Variants in LYST observed in about 807,000 individuals in gnomAD.
The protein encoded by LYST is lysosomal trafficking regulator.
A neutral mutation model predicts 413.6 loss-of-function variants in LYST; 192 were observed. The ratio of observed to expected loss-of-function variants is 0.46; its 90% CI spans 0.41 to 0.52. LYST has a LOEUF of 0.52. Ranked by LOEUF, LYST falls within the 20% of genes least tolerant of loss-of-function variation. The pLI is 0.00. For synonymous variants in LYST, 1,525 were observed against 1,567.3 expected (o/e 0.97, Z 0.64); for missense variants, 3,815 against 4,499.9 (o/e 0.85, Z 4.35).
At chr1:235,728,048 G>A (rs370995142) in intron 38 of LYST, 28 bp downstream of exon 38, 2 of 1,542,532 alleles carry the variant, frequency 1.3e-6, no homozygotes, top group Non-Finnish European at 1.8e-6. Flanking sequence ...CTAGATTTAT[G>A]TAAATACAGA....
At chr1:235,758,910 T>TA (rs1300344988) in intron 23 of LYST, 62 bp downstream of exon 23, 4 of 1,502,668 alleles carry the variant, frequency 2.7e-6, no homozygotes, top group Non-Finnish European at 3.7e-6. Flanking sequence ...TCCAGAGGGG[T>TA]AGAGAGTCTT....
At chr1:235,826,433 C>A (rs1477982802) in intron 3 of LYST, among the ~76,000 whole-genome samples, 2 of 152,138 alleles carry the variant, frequency 1.3e-5, no homozygotes, top group Non-Finnish European at 2.9e-5. Flanking sequence ...CAATGAAATA[C>A]TAATCAGAAA....
chr1:235,681,023 G>A (rs766769810), intron 48 of LYST, among the ~76,000 whole-genome samples: 20 of 152,196 alleles, frequency 1.3e-4, no homozygotes, highest in Non-Finnish European at 2.5e-4. Flanking sequence ...AGGAGCTGGG[G>A]ATACAGAGTT....
At chr1:235,718,156 G>T (rs1246923607) in intron 40 of LYST, among the ~76,000 whole-genome samples, 1 of 151,218 alleles carries the variant, frequency 6.6e-6, no homozygotes, top group East Asian at 1.9e-4. Context: ...GAGCCACCAC[G>T]CCTGGCCTGC....
chr1:235,716,873 A>C, intron 40 of LYST, 95 bp from the exon 41 acceptor site: 1 of 721,232 alleles, frequency 1.4e-6, no homozygotes, highest in Non-Finnish European at 2.5e-6. Context: ...GTAAGTGGTC[A>C]ACAAAATGCT....
chr1:235,688,267 G>A (rs1660367783), intron 47 of LYST, among the ~76,000 whole-genome samples: 1 of 152,054 alleles, frequency 6.6e-6, no homozygotes, highest in East Asian at 1.9e-4. Context: ...GAAACATTTA[G>A]CGATTTCATC....
chr1:235,704,553 T>G (rs1661812491), intron 44 of LYST, among the ~76,000 whole-genome samples: 1 of 152,236 alleles, frequency 6.6e-6, no homozygotes, highest in Admixed American at 6.5e-5. Flanking sequence ...ACGTATGTCT[T>G]GTTTTGAAAT....
chr1:235,808,914 G>C lies in LYST; in HGVS notation c.1904C>G (p.Ala635Gly). 6.2e-7 allele frequency: 1 copy of C among 1,612,348 alleles called. No homozygotes were observed. The highest frequency in any genetic ancestry group is 1.1e-5 in the South Asian group (1 of 90,948). The change falls in exon 5 of 53, where the codon GCA becomes GGA. Residue 635 changes from alanine (A) to glycine (G), a missense_variant. Ala to Gly is a moderately conservative substitution (Grantham distance 60). Around this residue, in one of 4 missense-constraint regions of LYST, gnomAD observed 1,648 missense variants for 1,810.3 expected, o/e 0.91. Transcript: ENST00000389793. ...GTCAACAGTACAAATATTACAAGCT[G>C]CTTTTTTAATTTTTGGTGATATCTC... ...GAEISPKIKK[A>G]ACNICTVDSD...
chr1:235,834,253 C>T (rs1676295957), intron 1 of LYST, among the ~76,000 whole-genome samples: 1 of 152,090 alleles, frequency 6.6e-6, no homozygotes, highest in Admixed American at 6.5e-5. Flanking sequence ...GGGATAGCAA[C>T]AGGATATTTC....
At position 235,744,074 on chromosome 1, in the gene LYST, A is replaced by C. The variant is rs747374741; in HGVS notation, c.8056T>G (p.Ser2686Ala). 3.2e-5 allele frequency: 51 copies of C among 1,598,854 alleles called. No homozygotes were observed. Among genetic ancestry groups the C allele is most frequent in the Non-Finnish European group, 4.4e-5 (51 of 1,166,380 alleles). The change falls in exon 30 of 53, where the codon TCT becomes GCT. Residue 2686 changes from serine to alanine, a missense_variant. Ser to Ala is a moderately conservative substitution (Grantham distance 99). This residue lies in a region of LYST where 771 missense variants were observed against 837.1 expected (regional missense o/e 0.92). Coordinates refer to ENST00000389793, the MANE Select transcript of LYST (RefSeq NM_000081.4). ...TGTTCATGATGAATATTTTCCTCAG[A>C]AATTTCGGTCTGGAAAACTGAGGTC... ...SKTSVFQTEI[S>A]EENIHHEQSS...
intron 50 of LYST, among the ~76,000 whole-genome samples, chr1:235,665,194 TC>T (rs1658330253): frequency 2.0e-5 from 3 of 152,142 alleles, no homozygotes; most frequent in African/African-American, 7.2e-5. Context: ...GGTAAAATAA[TC>T]ATCTTTGTGT....
chr1:235,785,410 T>C (rs1362924074), intron 14 of LYST, among the ~76,000 whole-genome samples: 2 of 152,220 alleles, frequency 1.3e-5, no homozygotes, highest in African/African-American at 2.4e-5. Flanking sequence ...CATTGTCCCC[T>C]AGGCCTAATT....
chr1:235,878,983 T>C (rs1282316131), intron 1 of LYST, among the ~76,000 whole-genome samples: 1 of 152,198 alleles, frequency 6.6e-6, no homozygotes, highest in Admixed American at 6.5e-5. Context: ...ACCCATCACC[T>C]GAATAGTGAA....
At chr1:235,779,776 C>T (rs779968173) in intron 16 of LYST, among the ~76,000 whole-genome samples, 24 of 152,104 alleles carry the variant, frequency 1.6e-4, no homozygotes, top group African/African-American at 2.9e-4. Context: ...CTACCCTCCC[C>T]GCAACTCAAC....
chr1:235,833,021 C>T (rs900455863), intron 2 of LYST, among the ~76,000 whole-genome samples: 2 of 151,958 alleles, frequency 1.3e-5, no homozygotes, highest in African/African-American at 4.8e-5. Context: ...AGATATAATA[C>T]TCTATAATCT....
chr1:235,737,963 T>TAAAAAACATC, intron 31 of LYST: 2 of 1,346,186 alleles, frequency 1.5e-6, no homozygotes, highest in South Asian at 3.9e-5. Flanking sequence ...GGACGTGCAT[T>TAAAAAACATC]CTCGATTCCT....
At chr1:235,709,429 AGC>A (rs1662230920) in intron 43 of LYST, 121 bp from the exon 44 acceptor site, 3 of 738,156 alleles carry the variant, frequency 4.1e-6, no homozygotes, top group African/African-American at 2.4e-5. Flanking sequence ...AAAAGGGAAT[AGC>A]AAGGAGGATT....
Position 235,766,287 on chromosome 1 carries a change from T to C in LYST, c.5923-10A>G. On this transcript the variant is annotated splice_polypyrimidine_tract_variant and intron_variant, in intron 20 of 52. Coordinates refer to ENST00000389793, the MANE Select transcript of LYST (RefSeq NM_000081.4). ...GCCCCTCTTTGTATTCCTGAAAAAA[T>C]AAAAAAAACTCTCTTTAGATTTAAA... is the stretch of plus-strand genomic sequence containing the variant. The C allele has an allele frequency of 1.3e-6, 2 of 1,574,144 alleles. No individual in the cohort carries two copies. The highest frequency in any genetic ancestry group is 1.7e-6 in the Non-Finnish European group (2 of 1,157,800).
intron 1 of LYST, among the ~76,000 whole-genome samples, chr1:235,865,903 CACGA>C (rs930933926): frequency 3.3e-5 from 5 of 152,204 alleles, no homozygotes; most frequent in Admixed American, 6.5e-5. Flanking sequence ...CCAAATTCAA[CACGA>C]ACGCATTCAA....
Sources: allele counts gnomAD v4.1 joint callset (sites outside exome capture counted in the v4.1 genomes callset), GRCh38; gene constraint gnomAD v4.1.1; regional missense constraint gnomAD v4.1.1; transcripts MANE v1.5; gene names NCBI Gene and HGNC (gene_info 2026-07-23, HGNC 2026-07-21).